The following REM1 variants were observed in gnomAD, a reference collection of about 807,000 sequenced individuals.
The protein encoded by REM1 is RRAD and GEM like GTPase 1, also known as GTP-binding protein REM 1.
In REM1, 20 loss-of-function variants were observed where a neutral mutation model predicts 27.0. The ratio of observed to expected loss-of-function variants is 0.74; its 90% CI spans 0.52 to 1.08. The LOEUF (loss-of-function observed/expected upper bound fraction) is 1.08. Ranked by LOEUF, REM1 falls within the 50% of genes least tolerant of loss-of-function variation. The probability of loss-of-function intolerance (pLI) is 0.00; values close to 1 mark genes in which losing one functional copy is unlikely to be tolerated. For missense variants in REM1, 405 were observed against 407.0 expected, an observed-to-expected ratio of 1.00 and a Z score of 0.04; for synonymous variants, 159 against 167.9, an observed-to-expected ratio of 0.95 and a Z score of 0.41.
chr20:31,482,635 T>C, intron 4 of REM1, 147 bp downstream of exon 4: 1 of 759,236 alleles, frequency 1.3e-6, no homozygotes, highest in South Asian at 1.7e-5. Flanking sequence ...GGAACCATTC[T>C]TGCCTCCCAC....
chr20:31,476,757 A>G lies in REM1; in HGVS notation c.312A>G (p.Gln104=), dbSNP rs761680283. ...TSLASLFAGK[Q]ERDLHEQLGE... is the part of the protein sequence containing the mutation. ...TGGCCAGCCTCTTTGCAGGGAAGCAAGAGAGGGACCTCCATGAACAGCTGG... is the reference window on the plus strand; with the variant it reads ...TGGCCAGCCTCTTTGCAGGGAAGCAGGAGAGGGACCTCCATGAACAGCTGG... Residue 104 remains glutamine (Q), a synonymous_variant, in exon 2 of 5, where the codon CAA becomes CAG. Coordinates refer to ENST00000201979, the MANE Select transcript of REM1 (RefSeq NM_014012.6). 2.5e-6 allele frequency: 4 copies of G among 1,612,882 alleles called. No homozygotes were observed. The highest frequency in any genetic ancestry group is 2.5e-6 in the Non-Finnish European group (3 of 1,179,498).
In REM1 at chr20:31,484,332, C is replaced by A; in HGVS notation, c.799C>A (p.Arg267Ser). ...CCGACGGCCGGCCAGCCTAGCCCAG[C>A]GCGCTCGTCGCTTCCTGGCACGCCT... ...APRRPASLAQ[R>S]ARRFLARLTA... Residue 267 changes from arginine (R) to serine (S), a missense_variant, in exon 5 of 5, where the codon CGC becomes AGC. Transcript: ENST00000201979. The A allele has an allele frequency of 1.3e-6, 2 of 1,566,518 alleles. No individual in the cohort carries two copies. The highest frequency in any genetic ancestry group is 1.7e-6 in the Non-Finnish European group (2 of 1,156,738).
At chr20:31,476,120 C>T (rs1980486422) in intron 1 of REM1, 107 bp from the exon 2 acceptor site, 1 of 314,442 alleles carries the variant, frequency 3.2e-6, no homozygotes, top group Non-Finnish European at 5.9e-6. Context: ...CTCCACCTGC[C>T]TGTCTGTCAT....
chr20:31,484,124 G>A (rs2122484292), intron 4 of REM1, 35 bp from the exon 5 acceptor site: 4 of 1,534,256 alleles, frequency 2.6e-6, no homozygotes, highest in East Asian at 4.7e-5. Context: ...TTCCGTTATG[G>A]CTCCACCCCT....
chr20:31,484,531 A>C lies in REM1; in HGVS notation c.*101A>C. The C allele has an allele frequency of 7.4e-7, 1 of 1,359,240 alleles. No homozygotes were observed. The highest frequency in any genetic ancestry group is 1.6e-5 in the South Asian group (1 of 62,772). The allele number at this position is 1,359,240 out of a possible 1,614,324, so 84.2% of individuals were successfully genotyped here. Reference sequence around the variant, plus strand: ...GGCGCCGTTACCTGGAGTCTGCATCATGGGTCTTGCTTGCCTGCTGCCCTG... The same window carrying C: ...GGCGCCGTTACCTGGAGTCTGCATCCTGGGTCTTGCTTGCCTGCTGCCCTG... On this transcript the variant is annotated 3_prime_UTR_variant, in exon 5 of 5. Transcript: ENST00000201979.
Position 31,476,239 on chromosome 20 carries a change from C to G in REM1, c.-207C>G. On this transcript the variant is annotated 5_prime_UTR_variant, in exon 2 of 5. Coordinates refer to ENST00000201979, the MANE Select transcript of REM1 (RefSeq NM_014012.6). ...CATCCGGATCCAGGTTTATGCAGAG[C>G]CTGAGGCCAGAAAACCTAGGGACTT... 1.8e-6 allele frequency: 1 copy of G among 554,916 alleles called. No homozygotes were observed. Among genetic ancestry groups the G allele is most frequent in the Non-Finnish European group, 3.2e-6 (1 of 316,030 alleles). 34.4% of individuals were successfully genotyped at this position (554,916 alleles called of 1,614,324 possible).
Position 31,484,517 on chromosome 20 carries a change from C to A in REM1, c.*87C>A, listed in dbSNP as rs1011067616. On this transcript the variant is annotated 3_prime_UTR_variant, in exon 5 of 5. Coordinates refer to ENST00000201979, the MANE Select transcript of REM1 (RefSeq NM_014012.6). ...CACTGCGGGGCAAAGGCGCCGTTAC[C>A]TGGAGTCTGCATCATGGGTCTTGCT... The A allele has an allele frequency of 2.9e-6, 4 of 1,396,530 alleles. No homozygotes were observed. The highest frequency in any genetic ancestry group is 3.8e-6 in the Non-Finnish European group (4 of 1,065,882). The allele number at this position is 1,396,530 out of a possible 1,614,324, so 86.5% of individuals were successfully genotyped here. A position where few individuals can be genotyped will look rare whatever the true frequency, so the allele number is the denominator to read the frequency against.
At position 31,480,282 on chromosome 20, in the gene REM1, C is replaced by G. The variant is rs146692959; in HGVS notation, c.424-2005C>G. On this transcript the variant is annotated intron_variant, in intron 3 of 4. Coordinates refer to ENST00000201979, the MANE Select transcript of REM1 (RefSeq NM_014012.6). ...ACATACATACATACATACATACATA[C>G]ATAGATACTACAGCCCCACTTTTAG... Among the ~76,000 whole-genome samples, 488 of 133,790 alleles carry G rather than the reference C, an allele frequency of 3.6e-3. 2 individuals carry two copies. Among genetic ancestry groups the G allele is most frequent in the African/African-American group, 0.011 (446 of 39,298 alleles). 87.8% of individuals were successfully genotyped at this position (133,790 alleles called of 152,430 possible).
In REM1 at chr20:31,484,815, C is replaced by A; in HGVS notation, c.*385C>A. 4.8e-6 allele frequency: 1 copy of A among 208,802 alleles called. No homozygotes were observed. Among genetic ancestry groups the A allele is most frequent in the Non-Finnish European group, 9.5e-6 (1 of 105,490 alleles). 12.9% of individuals were successfully genotyped at this position (208,802 alleles called of 1,614,324 possible). ...CTTCCAGGCGTCTCCACCTACTGCC[C>A]TCCCATCTACACTTGACTGTAGACT... is the stretch of plus-strand genomic sequence containing the variant. On this transcript the variant is annotated 3_prime_UTR_variant, in exon 5 of 5. Transcript: ENST00000201979.
rs773858555 is a variant in REM1, at chr20:31,476,724, G to C, written c.279G>C (p.Lys93Asn). ...TACTTGGAGATCCTGGAGTGGGGAA[G>C]ACCAGCTTGGCCAGCCTCTTTGCAG... ...VVLLGDPGVG[K>N]TSLASLFAGK... Residue 93 changes from lysine (K) to asparagine (N), a missense_variant, in exon 2 of 5, where the codon AAG (lysine) becomes AAC (asparagine). Physicochemically the swap from Lys to Asn is moderately conservative, Grantham distance 94. Coordinates refer to ENST00000201979, the MANE Select transcript of REM1 (RefSeq NM_014012.6). 6.2e-6 allele frequency: 10 copies of C among 1,613,924 alleles called. No homozygotes were observed. The South Asian group carries it at 1.1e-4, about 18-fold the overall frequency.
At position 31,475,820 on chromosome 20, in the gene REM1, G is replaced by A. The variant is rs1313794444; in HGVS notation, c.-219-407G>A. Among the ~76,000 whole-genome samples, 1 of 152,218 alleles carries A rather than the reference G, an allele frequency of 6.6e-6. No homozygotes were observed. Among genetic ancestry groups the A allele is most frequent in the African/African-American group, 2.4e-5 (1 of 41,448 alleles). ...ACTAGGGCACTCGGGTTACAGTCGGGTTACCCCCATACCCCCCTCGCGCTT... is the reference window on the plus strand; with the variant it reads ...ACTAGGGCACTCGGGTTACAGTCGGATTACCCCCATACCCCCCTCGCGCTT... On this transcript the variant is annotated intron_variant, in intron 1 of 4. Coordinates refer to ENST00000201979, the MANE Select transcript of REM1 (RefSeq NM_014012.6). The surrounding 1 kb of genome is among the most constrained non-coding windows in gnomAD (Gnocchi z 5.0).
At chr20:31,481,853 T>C (rs1265629450) in intron 3 of REM1, among the ~76,000 whole-genome samples, 1 of 152,216 alleles carries the variant, frequency 6.6e-6, no homozygotes, top group Non-Finnish European at 1.5e-5. Flanking sequence ...AAAGTCAGCC[T>C]CCTGTCCTCA....
intron 4 of REM1, among the ~76,000 whole-genome samples, chr20:31,482,830 T>C (rs147492274): frequency 6.6e-6 from 1 of 152,268 alleles, no homozygotes; most frequent in African/African-American, 2.4e-5. Flanking sequence ...GAATTTGCAC[T>C]TCTTAAAAAT....
At chr20:31,477,033 T>A (rs1253057815) in intron 2 of REM1, among the ~76,000 whole-genome samples, 2 of 152,188 alleles carry the variant, frequency 1.3e-5, no homozygotes, top group Non-Finnish European at 2.9e-5. Flanking sequence ...TTCCCATGAA[T>A]GAGAAGTATA....
chr20:31,483,276 G>T (rs544163594), intron 4 of REM1, among the ~76,000 whole-genome samples: 1 of 152,276 alleles, frequency 6.6e-6, no homozygotes, highest in East Asian at 1.9e-4. Context: ...CTCCAGCCTG[G>T]GTGACAGAAT....
At chr20:31,479,251 A>G (rs1040423514) in intron 3 of REM1, among the ~76,000 whole-genome samples, 6 of 152,196 alleles carry the variant, frequency 3.9e-5, no homozygotes, top group Admixed American at 2.0e-4. Context: ...TTGCTCATTC[A>G]TTCATTCAGA....
At chr20:31,478,095 C>T (rs1247230476) in intron 3 of REM1, among the ~76,000 whole-genome samples, 185 bp downstream of exon 3, 3 of 152,064 alleles carry the variant, frequency 2.0e-5, no homozygotes, top group Non-Finnish European at 4.4e-5. Flanking sequence ...ATGACCCTGA[C>T]CCCTTTTCTC....
chr20:31,479,805 A>G (rs1227789110), intron 3 of REM1, among the ~76,000 whole-genome samples: 1 of 151,978 alleles, frequency 6.6e-6, no homozygotes, highest in Non-Finnish European at 1.5e-5. Flanking sequence ...AAATCAAATT[A>G]TTGGCTGGGC....
intron 3 of REM1, among the ~76,000 whole-genome samples, chr20:31,480,131 GCCTCACCCTGGC>G (rs1980665269): frequency 6.6e-6 from 1 of 151,566 alleles, no homozygotes; most frequent in Non-Finnish European, 1.5e-5. Context: ...AAATTATCAG[GCCTCACCCTGGC>G]CCTCACCCTC....
Sources: allele counts gnomAD v4.1 joint callset (sites outside exome capture counted in the v4.1 genomes callset), GRCh38; gene constraint gnomAD v4.1.1; non-coding constraint Gnocchi (gnomAD v3.1); transcripts MANE v1.5; gene names NCBI Gene and HGNC (gene_info 2026-07-23, HGNC 2026-07-21).